Variants in SAMD5 observed in about 807,000 individuals in gnomAD.
SAMD5 encodes the protein sterile alpha motif domain-containing protein 5.
Under a neutral mutation model 11.3 loss-of-function variants are expected in SAMD5, and 13 were observed. The observed-to-expected ratio is 1.15, with a 90% confidence interval of 0.75 to 1.83. The LOEUF (loss-of-function observed/expected upper bound fraction) is 1.83. Among genes scored for constraint, SAMD5 ranks in the 40% most tolerant of loss-of-function variants. SAMD5 has a pLI of 0.00. For synonymous variants in SAMD5, 129 were observed against 111.3 expected, an observed-to-expected ratio of 1.16 and a Z score of -1.00; for missense variants, 255 against 239.1, an observed-to-expected ratio of 1.07 and a Z score of -0.44.
the SAMD5 span, among the ~76,000 whole-genome samples, chr6:147,933,586 A>G: frequency 6.6e-6 from 1 of 152,156 alleles, no homozygotes; most frequent in Non-Finnish European, 1.5e-5. Flanking sequence ...CTTCATTTGT[A>G]AAAGGATTGA....
At chr6:147,572,761 G>T (rs1789155766), downstream of SAMD5, among the ~76,000 whole-genome samples, 1 of 152,076 alleles carries the variant, frequency 6.6e-6, no homozygotes, top group African/African-American at 2.4e-5. Flanking sequence ...GTTAGTATAT[G>T]GTATACTGCC....
the SAMD5 span, among the ~76,000 whole-genome samples, chr6:147,948,620 T>A: frequency 3.3e-5 from 5 of 152,206 alleles, no homozygotes; most frequent in African/African-American, 1.2e-4. Flanking sequence ...ATTAATAAAT[T>A]TAGCTGAGAT....
At chr6:147,663,806 AAAAAAAG>A (rs1461413587) in intron 1 of SAMD5, among the ~76,000 whole-genome samples, 1 of 139,666 alleles carries the variant, frequency 7.2e-6, no homozygotes, top group Non-Finnish European at 1.6e-5. Flanking sequence ...AAAAAAAAAA[AAAAAAAG>A]AGAGAGAAAG....
intron 1 of SAMD5, among the ~76,000 whole-genome samples, chr6:147,612,665 A>G (rs1466006565): frequency 6.6e-6 from 1 of 152,222 alleles, no homozygotes; most frequent in Admixed American, 6.5e-5. Context: ...GGTAGGAACA[A>G]TGCTAGATTT....
chr6:147,887,614 CAACA>C, the SAMD5 span, among the ~76,000 whole-genome samples: 2 of 152,172 alleles, frequency 1.3e-5, no homozygotes, highest in African/African-American at 4.8e-5. Flanking sequence ...TTTTTTACTA[CAACA>C]AATAGAACTC....
chr6:147,522,476 C>T (rs1244946544), intron 1 of SAMD5, among the ~76,000 whole-genome samples: 1 of 151,910 alleles, frequency 6.6e-6, no homozygotes, highest in Non-Finnish European at 1.5e-5. Flanking sequence ...TTAAACTGGG[C>T]CCAATATTGT....
rs1260729378 is a variant in SAMD5, at chr6:147,569,355, AC to A, written c.*4901del. On this transcript the variant is annotated 3_prime_UTR_variant, in exon 2 of 2. Transcript: ENST00000367474. ...TTTTTTATTACTGCAGTTGAGAGAT[AC>A]CTTTTCAGAGGAAAACAAGAGGCTA... 5 of 822,228 alleles carry A rather than the reference AC, an allele frequency of 6.1e-6. No homozygotes were observed. In the African/African-American group the frequency reaches 9.3e-5, roughly 15 times the overall value. The allele number at this position is 822,228 out of a possible 1,614,324, so 50.9% of individuals were successfully genotyped here.
At chr6:147,764,757 G>A in the SAMD5 span, among the ~76,000 whole-genome samples, 1 of 152,264 alleles carries the variant, frequency 6.6e-6, no homozygotes, top group East Asian at 1.9e-4. Flanking sequence ...AATTTTAAAA[G>A]AAAGGCTCTA....
chr6:147,621,113 G>A (rs1789956709), intron 1 of SAMD5, among the ~76,000 whole-genome samples: 1 of 152,160 alleles, frequency 6.6e-6, no homozygotes, highest in Non-Finnish European at 1.5e-5. Context: ...CTAATCACTT[G>A]AATTTTACTC....
chr6:147,541,924 A>G (rs1211052522), intron 1 of SAMD5, among the ~76,000 whole-genome samples: 4 of 152,068 alleles, frequency 2.6e-5, no homozygotes, highest in Admixed American at 6.5e-5. Context: ...CAGACACCCC[A>G]TAGTGGAGCT....
chr6:147,682,585 A>G (rs368765194), intron 1 of SAMD5, among the ~76,000 whole-genome samples: 124 of 152,312 alleles, frequency 8.1e-4, no homozygotes, highest in African/African-American at 2.8e-3. Context: ...TTTATACCTG[A>G]GGAAAGCCAA....
chr6:147,613,263 G>C (rs62434740), intron 1 of SAMD5, among the ~76,000 whole-genome samples: 16,703 of 151,910 alleles, frequency 0.11, 1,028 homozygotes, highest in Middle Eastern at 0.15. Flanking sequence ...TAGTACAGGA[G>C]GAGTGCGTCT....
At chr6:147,820,151 T>C in the SAMD5 span, among the ~76,000 whole-genome samples, 1 of 152,190 alleles carries the variant, frequency 6.6e-6, no homozygotes, top group Non-Finnish European at 1.5e-5. Flanking sequence ...TCCTGGAGTT[T>C]TTCTATATCC....
chr6:147,698,935 A>G (rs1481360345), intron 1 of SAMD5, among the ~76,000 whole-genome samples: 1 of 152,146 alleles, frequency 6.6e-6, no homozygotes, highest in African/African-American at 2.4e-5. Flanking sequence ...CATGGCAGAA[A>G]TCAATTTGGC....
At chr6:147,886,789 G>A in the SAMD5 span, among the ~76,000 whole-genome samples, 6 of 152,214 alleles carry the variant, frequency 3.9e-5, no homozygotes, top group Non-Finnish European at 7.3e-5. Context: ...TCACATGACA[G>A]GAAGCTGTGA....
At chr6:147,764,492 A>G in the SAMD5 span, among the ~76,000 whole-genome samples, 2 of 152,230 alleles carry the variant, frequency 1.3e-5, no homozygotes, top group East Asian at 3.8e-4. Context: ...GGACCAGACG[A>G]TAACATTTAA....
In SAMD5 at chr6:147,614,617, G is replaced by A. The variant is rs142203144; in HGVS notation, c.162+105230G>A. On this transcript the variant is annotated intron_variant, in intron 1 of 1. Coordinates refer to the SAMD5 transcript ENST00000566741. Reference sequence around the variant, plus strand: ...CCCATGTCTATGAAGATGAAACTCAGTCTAAACTAATCTGTGGTGTAGGAA... The same window carrying A: ...CCCATGTCTATGAAGATGAAACTCAATCTAAACTAATCTGTGGTGTAGGAA... 1.3e-3 allele frequency among the ~76,000 whole-genome samples: 194 copies of A among 152,110 alleles called. 1 individual carries two copies. Among genetic ancestry groups the A allele is most frequent in the African/African-American group, 4.5e-3 (185 of 41,356 alleles).
chr6:147,598,387 A>G (rs375465997), intron 1 of SAMD5, among the ~76,000 whole-genome samples: 1 of 152,110 alleles, frequency 6.6e-6, no homozygotes, highest in Non-Finnish European at 1.5e-5. Flanking sequence ...CCCTCTCAAA[A>G]TGTTGGGATT....
At chr6:147,526,441 A>G (rs1562312720) in intron 1 of SAMD5, among the ~76,000 whole-genome samples, 1 of 152,232 alleles carries the variant, frequency 6.6e-6, no homozygotes, top group Non-Finnish European at 1.5e-5. Context: ...ATTCATAGAT[A>G]TATATGTAAG....
Sources: allele counts gnomAD v4.1 joint callset (sites outside exome capture counted in the v4.1 genomes callset), GRCh38; gene constraint gnomAD v4.1.1; transcripts MANE v1.5; gene names NCBI Gene and HGNC (gene_info 2026-07-23, HGNC 2026-07-21).